The following PNPLA5 variants were observed in gnomAD, a reference collection of about 807,000 sequenced individuals.
The protein encoded by PNPLA5 is patatin-like phospholipase domain-containing protein 5.
Under a neutral mutation model 49.1 loss-of-function variants are expected in PNPLA5, and 44 were observed. That is an observed-to-expected ratio of 0.90 (90% confidence interval 0.70 to 1.15). The LOEUF (loss-of-function observed/expected upper bound fraction) is 1.15. PNPLA5 is among the 50% of genes most tolerant of loss of function. The pLI, the probability that PNPLA5 is intolerant of heterozygous loss-of-function variation, is 0.00. For synonymous variants in PNPLA5, 243 were observed against 244.4 expected, an observed-to-expected ratio of 0.99 and a Z score of 0.06; for missense variants, 603 against 564.0, an observed-to-expected ratio of 1.07 and a Z score of -0.70.
chr22:43,888,071 C>A (rs1224844251), intron 4 of PNPLA5, among the ~76,000 whole-genome samples: 1 of 152,194 alleles, frequency 6.6e-6, no homozygotes, highest in African/African-American at 2.4e-5. Flanking sequence ...CTTCCAGTAC[C>A]AGACTGAGGT....
intron 4 of PNPLA5, among the ~76,000 whole-genome samples, chr22:43,888,459 G>A (rs1260976850): frequency 1.7e-5 from 2 of 119,172 alleles, no homozygotes; most frequent in Non-Finnish European, 3.3e-5. Flanking sequence ...TTTTGAGATG[G>A]AGTCTCACTC....
intron 7 of PNPLA5, among the ~76,000 whole-genome samples, 199 bp downstream of exon 7, chr22:43,884,014 C>T (rs535501730): frequency 6.6e-6 from 1 of 152,202 alleles, no homozygotes; most frequent in East Asian, 1.9e-4. Context: ...CATGCCACTT[C>T]TCCACCAGTC....
In PNPLA5 at chr22:43,889,653, G is replaced by A. The variant is rs2049702277; in HGVS notation, c.493-115C>T. 3.9e-6 allele frequency: 6 copies of A among 1,522,302 alleles called. No individual in the cohort carries two copies. The South Asian group carries it at 5.2e-5, about 13-fold the overall frequency. 94.3% of individuals were successfully genotyped at this position (1,522,302 alleles called of 1,614,324 possible). On this transcript the variant is annotated intron_variant, in intron 3 of 8. Coordinates refer to ENST00000216177, the MANE Select transcript of PNPLA5 (RefSeq NM_138814.4). ...AGTCACCAGGGCCACTCCAGCCCAGGAGGCTGAACGCCCCCCAGGAGCAGG... is the reference window on the plus strand; with the variant it reads ...AGTCACCAGGGCCACTCCAGCCCAGAAGGCTGAACGCCCCCCAGGAGCAGG...
In PNPLA5 at chr22:43,880,595, G is replaced by T; in HGVS notation, c.*200C>A. The T allele has an allele frequency of 4.7e-6, 2 of 428,344 alleles. No individual in the cohort carries two copies. Among genetic ancestry groups the T allele is most frequent in the Non-Finnish European group, 7.9e-6 (2 of 253,030 alleles). The allele number at this position is 428,344 out of a possible 1,614,324, so 26.5% of individuals were successfully genotyped here. A position where few individuals can be genotyped will look rare whatever the true frequency, so the allele number is the denominator to read the frequency against. Reference sequence around the variant, plus strand: ...TTCTCTCCCTGATGAGACGGGGCAAGAGGGAGGGCAGGTGACCTGGGTACA... The same window carrying T: ...TTCTCTCCCTGATGAGACGGGGCAATAGGGAGGGCAGGTGACCTGGGTACA... On this transcript the variant is annotated 3_prime_UTR_variant, in exon 9 of 9. Transcript: ENST00000216177.
At position 43,887,070 on chromosome 22, in the gene PNPLA5, AACAC is replaced by A. The variant is rs147288997; in HGVS notation, c.763+517_763+520del. ...TCTCTGGCACACCCACTGCCCCATG[AACAC>A]ACACACACACACACACACCCCTCCT... On this transcript the variant is annotated intron_variant, in intron 5 of 8. Transcript: ENST00000216177. Among the ~76,000 whole-genome samples, 4 of 149,478 alleles carry A rather than the reference AACAC, an allele frequency of 2.7e-5. No individual in the cohort carries two copies. In the South Asian group the frequency reaches 6.4e-4, roughly 24 times the overall value.
At chr22:43,886,207 C>G (rs1319354766) in intron 6 of PNPLA5, 96 bp downstream of exon 6, 3 of 1,399,932 alleles carry the variant, frequency 2.1e-6, no homozygotes, top group East Asian at 2.4e-5. Flanking sequence ...GTCCTGTCCT[C>G]TTCCAGACCA....
Position 43,889,506 on chromosome 22 carries a change from C to T in PNPLA5, c.525G>A (p.Leu175=), listed in dbSNP as rs1440308559. Residue 175 remains leucine, a synonymous_variant, in exon 4 of 9, where the codon TTG becomes TTA. Coordinates refer to ENST00000216177, the MANE Select transcript of PNPLA5 (RefSeq NM_138814.4). ...TGGTGGAGGGGCAGTCTGCAAAGGG[C>T]AAGTTGTTGCTCAGAGCCCCATCGA... ...RYIDGALSNN[L]PFADCPSTIT... The T allele has an allele frequency of 1.2e-6, 2 of 1,613,144 alleles. No homozygotes were observed. Among genetic ancestry groups the T allele is most frequent in the Admixed American group, 3.3e-5 (2 of 59,970 alleles).
chr22:43,882,236 G>A (rs527311177), intron 7 of PNPLA5, among the ~76,000 whole-genome samples: 4 of 151,854 alleles, frequency 2.6e-5, no homozygotes, highest in Non-Finnish European at 4.4e-5. Flanking sequence ...AGATGTCCCC[G>A]TGGTTCCCCA....
At chr22:43,886,976 T>G (rs1480988678) in intron 5 of PNPLA5, among the ~76,000 whole-genome samples, 3 of 152,098 alleles carry the variant, frequency 2.0e-5, no homozygotes, top group Admixed American at 6.5e-5. Flanking sequence ...GGCCTGTGTC[T>G]GAATGTCTAT....
intron 2 of PNPLA5, 99 bp downstream of exon 2, chr22:43,890,963 G>T (rs770956441): frequency 7.0e-7 from 1 of 1,423,432 alleles, no homozygotes; most frequent in South Asian, 1.3e-5. Context: ...CCCTCCTTCC[G>T]CCCCTGCAGA....
chr22:43,887,756 C>T (rs2049680796), intron 4 of PNPLA5, 105 bp from the exon 5 acceptor site: 5 of 1,537,364 alleles, frequency 3.3e-6, no homozygotes, highest in Admixed American at 2.0e-5. Flanking sequence ...AGTCCCAGCC[C>T]AGCCTATTCT....
chr22:43,886,252 C>A, intron 6 of PNPLA5, 51 bp downstream of exon 6: 2 of 1,549,942 alleles, frequency 1.3e-6, no homozygotes, highest in Non-Finnish European at 1.7e-6. Flanking sequence ...TGAGCCCGGG[C>A]CCCTGAGTGC....
chr22:43,881,863 G>C (rs1421207626), intron 7 of PNPLA5, 189 bp from the exon 8 acceptor site: 1 of 695,712 alleles, frequency 1.4e-6, no homozygotes, highest in Non-Finnish European at 1.8e-6. Flanking sequence ...CACCTGCAGG[G>C]TTGGAAAGAT....
At position 43,880,787 on chromosome 22, in the gene PNPLA5, C is replaced by T. The variant is rs1030751261; in HGVS notation, c.*8G>A. 8 of 1,326,494 alleles carry T rather than the reference C, an allele frequency of 6.0e-6. No homozygotes were observed. The highest frequency in any genetic ancestry group is 3.0e-5 in the African/African-American group (2 of 66,418). The allele number at this position is 1,326,494 out of a possible 1,614,324, so 82.2% of individuals were successfully genotyped here. A position where few individuals can be genotyped will look rare whatever the true frequency, so the allele number is the denominator to read the frequency against. ...CACCAGTCACTGGGCTGGCCCTGCTCGGCCCCCTCAGGCCTGGTGGGTGGG... is the reference window on the plus strand; with the variant it reads ...CACCAGTCACTGGGCTGGCCCTGCTTGGCCCCCTCAGGCCTGGTGGGTGGG... On this transcript the variant is annotated 3_prime_UTR_variant, in exon 9 of 9. Coordinates refer to ENST00000216177, the MANE Select transcript of PNPLA5 (RefSeq NM_138814.4).
intron 8 of PNPLA5, among the ~76,000 whole-genome samples, chr22:43,881,170 GAA>G (rs2049606358): frequency 6.6e-6 from 1 of 152,210 alleles, no homozygotes; most frequent in African/African-American, 2.4e-5. Flanking sequence ...GCTGGTCAGA[GAA>G]GAGGGACCAG....
intron 8 of PNPLA5, 45 bp downstream of exon 8, chr22:43,881,513 C>G: frequency 6.5e-7 from 1 of 1,529,202 alleles, no homozygotes. Flanking sequence ...GCGTTCCCCC[C>G]AGCACAGCCA....
chr22:43,889,249 G>T, intron 4 of PNPLA5, 80 bp downstream of exon 4: 1 of 1,511,120 alleles, frequency 6.6e-7, no homozygotes, highest in Non-Finnish European at 9.0e-7. Flanking sequence ...GGGCAGTGGG[G>T]GTTAGGAGCA....
At chr22:43,884,126 A>AAACCCCC in intron 7 of PNPLA5, 87 bp downstream of exon 7, 1 of 571,652 alleles carries the variant, frequency 1.7e-6, no homozygotes, top group Middle Eastern at 6.3e-4. Context: ...AGCCCTACCC[A>AAACCCCC]CCCAGTGTGC....
At chr22:43,886,621 T>A in intron 5 of PNPLA5, 133 bp from the exon 6 acceptor site, 1 of 1,435,782 alleles carries the variant, frequency 7.0e-7, no homozygotes, top group East Asian at 2.5e-5. Context: ...CACAGCTTAT[T>A]CCGGATGACT....
Sources: gnomAD v4.1 joint callset for allele counts (sites outside exome capture counted in the v4.1 genomes callset) on GRCh38, gnomAD v4.1.1 for gene constraint, MANE v1.5 for transcripts, NCBI Gene and HGNC (gene_info 2026-07-23, HGNC 2026-07-21) for gene names.